The following ATG7 variants were observed in gnomAD, a reference collection of about 807,000 sequenced individuals.
The protein encoded by ATG7 is ubiquitin-like modifier-activating enzyme ATG7.
Under a neutral mutation model 82.4 loss-of-function variants are expected in ATG7, and 70 were observed. That is an observed-to-expected ratio of 0.85 (90% confidence interval 0.70 to 1.04). The LOEUF is 1.04. Among genes scored for constraint, ATG7 ranks in the 50% least tolerant of loss-of-function variants. The pLI, the probability that ATG7 is intolerant of heterozygous loss-of-function variation, is 0.00. For missense variants in ATG7, 792 were observed against 864.3 expected, an observed-to-expected ratio of 0.92 and a Z score of 1.05; for synonymous variants, 287 against 313.0, an observed-to-expected ratio of 0.92 and a Z score of 0.88.
chr3:11,449,764 A>G (rs2084928742), intron 20 of ATG7, among the ~76,000 whole-genome samples: 2 of 152,238 alleles, frequency 1.3e-5, no homozygotes, highest in Non-Finnish European at 2.9e-5. Context: ...GTGCCCTCAA[A>G]CACTAACAGG....
intron 19 of ATG7, among the ~76,000 whole-genome samples, chr3:11,406,501 T>C (rs2080355790): frequency 6.6e-6 from 1 of 152,156 alleles, no homozygotes. Flanking sequence ...AGAGATGACA[T>C]CTTGCTATAT....
At chr3:11,485,315 G>GT (rs573622199) in intron 20 of ATG7, among the ~76,000 whole-genome samples, 1,707 of 152,286 alleles carry the variant, frequency 0.011, 30 homozygotes, top group African/African-American at 0.039. Context: ...TTTTTCATGT[G>GT]TTTTTTGGCT....
Position 11,314,408 on chromosome 3 carries a change from A to ATTT in ATG7, c.529-930_529-928dup, listed in dbSNP as rs1045881928. Among the ~76,000 whole-genome samples the ATTT allele has an allele frequency of 6.4e-4, 25 of 39,070 alleles. No individual in the cohort carries two copies. In the East Asian group the frequency reaches 0.046, roughly 72 times the overall value. 25.6% of individuals were successfully genotyped at this position (39,070 alleles called of 152,430 possible). A position where few individuals can be genotyped will look rare whatever the true frequency, so the allele number is the denominator to read the frequency against. ...TCAGGGAGCAGCCATTATTGATTAAATTTTTTTTGTTGTTGTTCGTACAAA... is the reference window on the plus strand; with the variant it reads ...TCAGGGAGCAGCCATTATTGATTAAATTTTTTTTTTTGTTGTTGTTCGTACAAA... On this transcript the variant is annotated intron_variant, in intron 8 of 20. Coordinates refer to ENST00000693202, the MANE Select transcript of ATG7 (RefSeq NM_001349232.2).
intron 19 of ATG7, among the ~76,000 whole-genome samples, chr3:11,406,439 G>A (rs1159147470): frequency 6.6e-6 from 1 of 151,958 alleles, no homozygotes; most frequent in Non-Finnish European, 1.5e-5. Context: ...CCAAGTTACT[G>A]AGATTACAAG....
intron 3 of ATG7, among the ~76,000 whole-genome samples, chr3:11,295,666 T>A (rs1477016121): frequency 6.6e-6 from 1 of 152,252 alleles, no homozygotes; most frequent in African/African-American, 2.4e-5. Context: ...CATTCATCAT[T>A]ACTCTTCTCA....
chr3:11,426,787 A>C lies in ATG7; in HGVS notation c.1957-17A>C, dbSNP rs768128489. ...AAGTCTGGAGACTCCTTTTTAAAAA[A>C]TGTAAATGTTTTACAGGTTCTTGAT... is the stretch of plus-strand genomic sequence containing the variant. On this transcript the variant is annotated splice_polypyrimidine_tract_variant and intron_variant, in intron 19 of 20. Coordinates refer to ENST00000693202, the MANE Select transcript of ATG7 (RefSeq NM_001349232.2). The C allele has an allele frequency of 6.4e-7, 1 of 1,554,452 alleles. No individual in the cohort carries two copies. Among genetic ancestry groups the C allele is most frequent in the South Asian group, 1.2e-5 (1 of 81,346 alleles).
intron 20 of ATG7, among the ~76,000 whole-genome samples, chr3:11,519,539 G>GTTTTTTTTTTTTTT (rs574523805): frequency 1.6e-5 from 1 of 62,154 alleles, no homozygotes; most frequent in Admixed American, 2.4e-4. Flanking sequence ...AGTGAGAGGA[G>GTTTTTTTTTTTTTT]TTTTTTTTTT....
chr3:11,568,436 C>T, the ATG7 span, among the ~76,000 whole-genome samples: 7 of 152,234 alleles, frequency 4.6e-5, no homozygotes, highest in Non-Finnish European at 1.0e-4. The surrounding 1 kb of genome is among the most constrained non-coding windows in gnomAD (Gnocchi z 5.9). Flanking sequence ...TGTGCGCCCA[C>T]CCTACGCAGG....
intron 8 of ATG7, among the ~76,000 whole-genome samples, chr3:11,314,539 T>C (rs1328146575): frequency 1.3e-5 from 2 of 152,170 alleles, no homozygotes; most frequent in African/African-American, 4.8e-5. Context: ...GTTTCTTTTA[T>C]TGAGGACAAA....
intron 14 of ATG7, among the ~76,000 whole-genome samples, chr3:11,356,293 A>G (rs2075929649): frequency 6.6e-6 from 1 of 152,224 alleles, no homozygotes; most frequent in African/African-American, 2.4e-5. Flanking sequence ...ATTTCACTTT[A>G]TGTAAATTAT....
intron 3 of ATG7, among the ~76,000 whole-genome samples, chr3:11,295,788 C>CTT (rs751389083): frequency 1.6e-3 from 147 of 93,848 alleles, no homozygotes; most frequent in African/African-American, 4.8e-3. Context: ...TTCTTTCTTT[C>CTT]TTTTTTTTTT....
At chr3:11,520,666 C>T (rs149355759) in intron 20 of ATG7, among the ~76,000 whole-genome samples, 1 of 152,272 alleles carries the variant, frequency 6.6e-6, no homozygotes, top group African/African-American at 2.4e-5. Context: ...CTGAGCTCGC[C>T]CTGTACCTCA....
At chr3:11,442,739 C>CCAAAAA (rs1553668928) in intron 20 of ATG7, among the ~76,000 whole-genome samples, 11,719 of 69,066 alleles carry the variant, frequency 0.17, 2,799 homozygotes, top group South Asian at 0.21. Context: ...TCCATCTCTA[C>CCAAAAA]AAAAAAAAAA....
intron 1 of ATG7, chr3:11,277,101 T>C (rs565007059): frequency 6.6e-6 from 1 of 152,360 alleles, no homozygotes; most frequent in East Asian, 1.9e-4. Context: ...GATTCGACTT[T>C]GTTGCTATCT....
Position 11,546,888 on chromosome 3 carries a change from C to T in ATG7, c.2080-7923C>T, listed in dbSNP as rs561152097. 3.9e-5 allele frequency among the ~76,000 whole-genome samples: 6 copies of T among 152,262 alleles called. No individual in the cohort carries two copies. In the South Asian group the frequency reaches 8.3e-4, roughly 21 times the overall value. The stretch of plus-strand genomic sequence containing the variant: ...GAGGGGCTGAGCCCACCCTTGCCAG[C>T]GGAGAGCAGCACAGGCTGATGCCAT... On this transcript the variant is annotated intron_variant, in intron 20 of 20. Transcript: ENST00000693202.
At chr3:11,411,528 G>A (rs1225247601) in intron 19 of ATG7, among the ~76,000 whole-genome samples, 3 of 144,472 alleles carry the variant, frequency 2.1e-5, no homozygotes, top group African/African-American at 7.6e-5. Flanking sequence ...CCTGAGGCAG[G>A]AGACTCACTT....
chr3:11,532,822 C>T (rs2447605), intron 20 of ATG7, among the ~76,000 whole-genome samples: 2 of 152,048 alleles, frequency 1.3e-5, no homozygotes, highest in Non-Finnish European at 2.9e-5. Context: ...CATGAGATGT[C>T]GTTAGCATGG....
intron 20 of ATG7, among the ~76,000 whole-genome samples, chr3:11,461,040 T>C (rs920579985): frequency 4.6e-5 from 7 of 152,192 alleles, no homozygotes; most frequent in Non-Finnish European, 1.0e-4. Context: ...CATGAGAGAA[T>C]GGATGAATCC....
At chr3:11,398,856 A>G (rs186378650) in intron 19 of ATG7, among the ~76,000 whole-genome samples, 180 of 152,348 alleles carry the variant, frequency 1.2e-3, no homozygotes, top group African/African-American at 3.8e-3. Context: ...GCCCTTGCTA[A>G]GAAAAGCCTT....
Sources: gnomAD v4.1 joint callset for allele counts (sites outside exome capture counted in the v4.1 genomes callset) on GRCh38, gnomAD v4.1.1 for gene constraint, Gnocchi (gnomAD v3.1) non-coding constraint, MANE v1.5 for transcripts, NCBI Gene and HGNC (gene_info 2026-07-23, HGNC 2026-07-21) for gene names.